The following RYR2 variants were observed in gnomAD, a reference collection of about 807,000 sequenced individuals.
The protein encoded by RYR2 is cardiac muscle ryanodine receptor-calcium release channel.
RYR2 carries 227 observed loss-of-function variants against 601.1 expected under a neutral mutation model. That is an observed-to-expected ratio of 0.38 (90% CI 0.34 to 0.42). RYR2 has a LOEUF of 0.42. Ranked by LOEUF, RYR2 falls within the 10% of genes least tolerant of loss-of-function variation. The probability of loss-of-function intolerance (pLI) is 1.00; values close to 1 mark genes in which losing one functional copy is unlikely to be tolerated. For synonymous variants in RYR2, 2,223 were observed against 2,175.1 expected, an observed-to-expected ratio of 1.02 and a Z score of -0.61; for missense variants, 4,646 against 6,156.5, an observed-to-expected ratio of 0.75 and a Z score of 8.21.
chr1:237,568,459 T>C (rs1559041477), intron 28 of RYR2, among the ~76,000 whole-genome samples: 1 of 152,234 alleles, frequency 6.6e-6, no homozygotes, highest in East Asian at 1.9e-4. Context: ...ATCAAAACTA[T>C]GTTTCAAATG....
At chr1:237,122,862 C>G (rs1981177) in intron 1 of RYR2, among the ~76,000 whole-genome samples, 2 of 152,010 alleles carry the variant, frequency 1.3e-5, no homozygotes, top group Admixed American at 6.5e-5. Context: ...AAATAATTTC[C>G]TTGAAGGTTA....
chr1:237,560,427 C>T (rs907011425), intron 27 of RYR2, among the ~76,000 whole-genome samples: 3 of 152,146 alleles, frequency 2.0e-5, no homozygotes, highest in African/African-American at 7.2e-5. Flanking sequence ...GAAAAGGGAA[C>T]ATAATGACAG....
At chr1:237,666,348 T>G (rs1026223277) in intron 56 of RYR2, among the ~76,000 whole-genome samples, 164 bp from the exon 57 acceptor site, 2 of 152,232 alleles carry the variant, frequency 1.3e-5, no homozygotes, top group African/African-American at 4.8e-5. Flanking sequence ...AATATAATTT[T>G]AATGTGCGAG....
rs113799947 is a variant in RYR2, at chr1:237,832,832, G to T, written c.*185G>T. The T allele has an allele frequency of 6.0e-6, 3 of 498,622 alleles. No homozygotes were observed. Among genetic ancestry groups the T allele is most frequent in the African/African-American group, 5.8e-5 (3 of 51,508 alleles). 30.9% of individuals were successfully genotyped at this position (498,622 alleles called of 1,614,324 possible). On this transcript the variant is annotated 3_prime_UTR_variant, in exon 105 of 105. Transcript: ENST00000366574. ...CCCCCACCTTTTGTATTTACTTTGA[G>T]ACTAAAGACTGAAGAATAATCTAAA...
intron 29 of RYR2, among the ~76,000 whole-genome samples, chr1:237,580,303 A>G (rs758070345): frequency 2.0e-5 from 3 of 151,496 alleles, no homozygotes; most frequent in Non-Finnish European, 4.4e-5. Context: ...TTACAGGCAC[A>G]CACCACGACG....
At chr1:237,774,952 T>C (rs12565261) in intron 87 of RYR2, among the ~76,000 whole-genome samples, 8,596 of 150,546 alleles carry the variant, frequency 0.057, 275 homozygotes, top group Non-Finnish European at 0.079. Context: ...TCTAGAAGCA[T>C]CCATTGAGCT....
intron 80 of RYR2, among the ~76,000 whole-genome samples, chr1:237,742,657 C>T (rs939941296): frequency 3.3e-5 from 5 of 152,106 alleles, no homozygotes; most frequent in African/African-American, 1.2e-4. Flanking sequence ...TTCCAACAGA[C>T]GTGAGGAAAA....
chr1:237,145,623 A>G (rs1274468029), intron 1 of RYR2, among the ~76,000 whole-genome samples: 1 of 152,170 alleles, frequency 6.6e-6, no homozygotes. Flanking sequence ...TACCAGTGTC[A>G]GCAGGCCTTT....
chr1:237,444,660 T>G (rs779092389), intron 13 of RYR2, among the ~76,000 whole-genome samples: 1 of 152,110 alleles, frequency 6.6e-6, no homozygotes, highest in Non-Finnish European at 1.5e-5. Context: ...AAGGAGGATT[T>G]TGAGATACCG....
At chr1:237,650,560 C>T (rs1682629969) in intron 50 of RYR2, among the ~76,000 whole-genome samples, 1 of 152,202 alleles carries the variant, frequency 6.6e-6, no homozygotes, top group Non-Finnish European at 1.5e-5. Flanking sequence ...TGAATATTTC[C>T]TCCAACCTGG....
At chr1:237,312,972 C>T (rs1694721383) in intron 2 of RYR2, among the ~76,000 whole-genome samples, 1 of 151,950 alleles carries the variant, frequency 6.6e-6, no homozygotes, top group Non-Finnish European at 1.5e-5. Context: ...TGAAGCCAGT[C>T]CTTTATATTA....
intron 101 of RYR2, 106 bp from the exon 102 acceptor site, chr1:237,828,275 T>C: frequency 1.4e-6 from 1 of 709,162 alleles, no homozygotes; most frequent in Non-Finnish European, 2.4e-6. Flanking sequence ...GTTCTGAGCA[T>C]TTTGCAAGGT....
intron 2 of RYR2, among the ~76,000 whole-genome samples, chr1:237,328,576 C>A: frequency 6.6e-6 from 1 of 150,646 alleles, no homozygotes. Flanking sequence ...AGGAGGATGG[C>A]AGAAGCCAGA....
intron 2 of RYR2, among the ~76,000 whole-genome samples, chr1:237,318,475 G>A (rs762136019): frequency 1.3e-5 from 2 of 152,066 alleles, no homozygotes; most frequent in Non-Finnish European, 2.9e-5. Context: ...ATTGAAGGAA[G>A]CTCCTTCAGA....
chr1:237,594,886 G>GTTTTTTTTTTTGTTTTTTGTTT (rs1675647018), intron 33 of RYR2, among the ~76,000 whole-genome samples: 3 of 60,418 alleles, frequency 5.0e-5, no homozygotes, highest in African/African-American at 2.9e-4. Flanking sequence ...ATATCACTGG[G>GTTTTTTTTTTTGTTTTTTGTTT]TTTTTTTTTT....
Position 237,569,210 on chromosome 1 carries a change from G to C in RYR2, c.3489G>C (p.Gly1163=). The change falls in exon 29 of 105, where the codon GGG becomes GGC. Residue 1163 remains glycine, a synonymous_variant. Coordinates refer to ENST00000366574, the MANE Select transcript of RYR2 (RefSeq NM_001035.3). ...GRSWQAGDVV[G]CMVDMNEHTM... Reference sequence around the variant, plus strand: ...CTTGGCAAGCAGGCGATGTCGTGGGGTGTATGGTTGACATGAACGAACACA... The same window carrying C: ...CTTGGCAAGCAGGCGATGTCGTGGGCTGTATGGTTGACATGAACGAACACA... 1.2e-6 allele frequency: 2 copies of C among 1,613,966 alleles called. No individual in the cohort carries two copies.
At chr1:237,054,870 G>C (rs926286713) in intron 1 of RYR2, among the ~76,000 whole-genome samples, 1 of 152,240 alleles carries the variant, frequency 6.6e-6, no homozygotes, top group East Asian at 1.9e-4. Flanking sequence ...GTGAGTGGGG[G>C]CCATGTGTTG....
chr1:237,064,751 C>CTTTTTTTTTT, intron 1 of RYR2, among the ~76,000 whole-genome samples: 1 of 109,996 alleles, frequency 9.1e-6, no homozygotes, highest in Middle Eastern at 4.3e-3. Flanking sequence ...TAGAACCTGT[C>CTTTTTTTTTT]TTTTTTTTTT....
intron 72 of RYR2, among the ~76,000 whole-genome samples, chr1:237,717,710 G>A (rs1427149765): frequency 6.6e-6 from 1 of 152,140 alleles, no homozygotes; most frequent in Admixed American, 6.5e-5. Context: ...ATTTTTCAAT[G>A]TTAAAAGCAT....
Sources: allele counts gnomAD v4.1 joint callset (sites outside exome capture counted in the v4.1 genomes callset), GRCh38; gene constraint gnomAD v4.1.1; transcripts MANE v1.5; gene names NCBI Gene and HGNC (gene_info 2026-07-23, HGNC 2026-07-21).